CTNND2: variants seen among roughly 807,000 people sequenced by gnomAD.
The protein encoded by CTNND2 is catenin delta-2.
A neutral mutation model predicts 144.4 loss-of-function variants in CTNND2; 22 were observed. The ratio of observed to expected loss-of-function variants is 0.15; its 90% CI spans 0.11 to 0.22. The LOEUF is 0.22. Ranked by LOEUF, CTNND2 falls within the 10% of genes least tolerant of loss-of-function variation. The pLI is 1.00. For synonymous variants in CTNND2, 751 were observed against 695.6 expected, an observed-to-expected ratio of 1.08 and a Z score of -1.25; for missense variants, 1,353 against 1,618.8, an observed-to-expected ratio of 0.84 and a Z score of 2.82.
Position 11,903,512 on chromosome 5 carries a change from C to T in CTNND2, c.37+305G>A, listed in dbSNP as rs1738076355. On this transcript the variant is annotated intron_variant, in intron 1 of 21. Coordinates refer to ENST00000304623, the MANE Select transcript of CTNND2 (RefSeq NM_001332.4). This position sits in a 1 kb window ranked among gnomAD's most constrained non-coding sequence, Gnocchi z 5.4. ...TCAGGGTGGCGGGGAGCAGCATTGTCGGTGTTGCCCTAAATACGCTTCCTC... is the reference window on the plus strand; with the variant it reads ...TCAGGGTGGCGGGGAGCAGCATTGTTGGTGTTGCCCTAAATACGCTTCCTC... The T allele has an allele frequency of 1.7e-6, 1 of 597,848 alleles. No individual in the cohort carries two copies. 37.0% of individuals were successfully genotyped at this position (597,848 alleles called of 1,614,324 possible).
chr5:11,205,223 A>G (rs1330711810), intron 10 of CTNND2, among the ~76,000 whole-genome samples: 1 of 152,156 alleles, frequency 6.6e-6, no homozygotes, highest in African/African-American at 2.4e-5. Context: ...ACATACACAT[A>G]TATAGTATAC....
At chr5:11,761,943 A>G (rs1349384259) in intron 1 of CTNND2, among the ~76,000 whole-genome samples, 1 of 152,192 alleles carries the variant, frequency 6.6e-6, no homozygotes, top group Non-Finnish European at 1.5e-5. Flanking sequence ...GGAAATTGAA[A>G]AATGAAAGGA....
chr5:11,128,849 A>ATATTATATTAAG (rs1755026534), intron 12 of CTNND2, among the ~76,000 whole-genome samples: 1 of 62,150 alleles, frequency 1.6e-5, no homozygotes, highest in African/African-American at 8.3e-5. Flanking sequence ...AGTATATAAT[A>ATATTATATTAAG]TATATAATAT....
chr5:11,435,565 T>C (rs80063040), intron 3 of CTNND2, among the ~76,000 whole-genome samples: 1 of 152,262 alleles, frequency 6.6e-6, no homozygotes, highest in African/African-American at 2.4e-5. Context: ...CCTAGGCAAA[T>C]AGATGCTGCT....
intron 1 of CTNND2, among the ~76,000 whole-genome samples, chr5:11,805,321 T>C (rs1463468634): frequency 6.6e-6 from 1 of 152,116 alleles, no homozygotes; most frequent in Non-Finnish European, 1.5e-5. Context: ...CACTCATATA[T>C]TTATTTGCTA....
At chr5:11,296,056 A>G (rs1405582233) in intron 9 of CTNND2, among the ~76,000 whole-genome samples, 5 of 114,852 alleles carry the variant, frequency 4.4e-5, no homozygotes, top group African/African-American at 6.9e-5. Flanking sequence ...AACCTACAGA[A>G]TGGGAGAAAA....
At chr5:11,886,552 T>A (rs933561912) in intron 1 of CTNND2, among the ~76,000 whole-genome samples, 1 of 152,126 alleles carries the variant, frequency 6.6e-6, no homozygotes, top group African/African-American at 2.4e-5. Context: ...TATAAGTGTG[T>A]CCCATGCAAT....
intron 1 of CTNND2, among the ~76,000 whole-genome samples, chr5:11,771,733 C>G (rs1789954681): frequency 6.6e-6 from 1 of 152,166 alleles, no homozygotes; most frequent in South Asian, 2.1e-4. Context: ...ACCTGAGCTA[C>G]TGTTTTGAAT....
chr5:11,494,054 G>A (rs1769706748), intron 3 of CTNND2, among the ~76,000 whole-genome samples: 2 of 152,148 alleles, frequency 1.3e-5, no homozygotes, highest in South Asian at 4.1e-4. Flanking sequence ...TTGGGTATAA[G>A]GAAAATTATT....
intron 3 of CTNND2, among the ~76,000 whole-genome samples, chr5:11,471,109 C>T (rs927791914): frequency 6.6e-5 from 10 of 150,698 alleles, no homozygotes; most frequent in South Asian, 2.1e-4. Context: ...TCCTGAGTAG[C>T]GGGGACTACA....
intron 8 of CTNND2, among the ~76,000 whole-genome samples, chr5:11,361,750 T>A (rs1049112158): frequency 6.6e-6 from 1 of 152,212 alleles, no homozygotes; most frequent in Non-Finnish European, 1.5e-5. Flanking sequence ...TTATTCTTCA[T>A]CCTACCTTTG....
chr5:11,075,679 C>T (rs1035924874), intron 16 of CTNND2, among the ~76,000 whole-genome samples: 15 of 152,260 alleles, frequency 9.9e-5, no homozygotes, highest in African/African-American at 3.6e-4. Context: ...TGAGCTCCGC[C>T]AGTACCCGCA....
chr5:11,433,195 C>A (rs1763452021), intron 3 of CTNND2, among the ~76,000 whole-genome samples: 1 of 151,350 alleles, frequency 6.6e-6, no homozygotes, highest in Non-Finnish European at 1.5e-5. Flanking sequence ...GCAGTGAGCC[C>A]AGATCACGCC....
chr5:11,004,332 C>T (rs1426612837), intron 18 of CTNND2, among the ~76,000 whole-genome samples: 1 of 152,208 alleles, frequency 6.6e-6, no homozygotes, highest in East Asian at 1.9e-4. Context: ...TTTAGGAATA[C>T]AAATGTCTAG....
At chr5:11,419,525 G>A (rs1399726449) in intron 3 of CTNND2, among the ~76,000 whole-genome samples, 1 of 152,172 alleles carries the variant, frequency 6.6e-6, no homozygotes, top group Non-Finnish European at 1.5e-5. Context: ...ACAACTGACA[G>A]TGTCATTTTT....
chr5:11,661,534 C>G (rs182749550), intron 2 of CTNND2, among the ~76,000 whole-genome samples: 1 of 152,078 alleles, frequency 6.6e-6, no homozygotes, highest in Non-Finnish European at 1.5e-5. Context: ...ACCTATGTGA[C>G]GAAATGGCTT....
At chr5:11,225,881 G>A (rs1164316423) in intron 10 of CTNND2, among the ~76,000 whole-genome samples, 1 of 152,186 alleles carries the variant, frequency 6.6e-6, no homozygotes, top group Non-Finnish European at 1.5e-5. Flanking sequence ...AGATAGGCTA[G>A]GTCCTAATCC....
intron 9 of CTNND2, among the ~76,000 whole-genome samples, chr5:11,339,362 T>C (rs909792400): frequency 2.0e-5 from 3 of 151,928 alleles, no homozygotes. Flanking sequence ...CATCATGCTA[T>C]GGGGAAATAA....
intron 2 of CTNND2, among the ~76,000 whole-genome samples, chr5:11,625,925 T>C (rs1781128860): frequency 6.6e-6 from 1 of 152,062 alleles, no homozygotes; most frequent in African/African-American, 2.4e-5. Flanking sequence ...CGGTGTTTGC[T>C]ACAGTTTACA....
Sources: allele counts gnomAD v4.1 joint callset (sites outside exome capture counted in the v4.1 genomes callset), GRCh38; gene constraint gnomAD v4.1.1; non-coding constraint Gnocchi (gnomAD v3.1); transcripts MANE v1.5; gene names NCBI Gene and HGNC (gene_info 2026-07-23, HGNC 2026-07-21).